PPRC1: variants seen among roughly 807,000 people sequenced by gnomAD.
The protein encoded by PPRC1 is PPARG related coactivator 1.
Under a neutral mutation model 132.5 loss-of-function variants are expected in PPRC1, and 23 were observed. The observed-to-expected ratio is 0.17, with a 90% CI of 0.12 to 0.25. PPRC1 has a LOEUF of 0.25. PPRC1 is among the 10% of genes least tolerant of loss of function. The pLI, the probability that PPRC1 is intolerant of heterozygous loss-of-function variation, is 1.00. For synonymous variants in PPRC1, 872 were observed against 833.5 expected, an observed-to-expected ratio of 1.05 and a Z score of -0.80; for missense variants, 2,006 against 2,089.1, an observed-to-expected ratio of 0.96 and a Z score of 0.78.
In PPRC1 at chr10:102,134,348, T is replaced by C. The variant is rs191825454; in HGVS notation, c.153+1127T>C. ...GAGAACTGTTCAACATGTTCAACAG[T>C]TGAACATACACTGGATGAGGAGGAT... On this transcript the variant is annotated intron_variant, in intron 1 of 13. Coordinates refer to ENST00000278070, the MANE Select transcript of PPRC1 (RefSeq NM_015062.5). Among the ~76,000 whole-genome samples the C allele has an allele frequency of 3.3e-5, 5 of 152,264 alleles. No homozygotes were observed. In the East Asian group the frequency reaches 9.6e-4, roughly 29 times the overall value.
At chr10:102,126,343 A>AC in the PPRC1 span, among the ~76,000 whole-genome samples, 1 of 69,502 alleles carries the variant, frequency 1.4e-5, no homozygotes, top group Non-Finnish European at 3.6e-5. Context: ...CTGACTCAAA[A>AC]GAAAAAAAAA....
At chr10:102,125,457 A>C in the PPRC1 span, among the ~76,000 whole-genome samples, 1 of 151,750 alleles carries the variant, frequency 6.6e-6, no homozygotes, top group African/African-American at 2.4e-5. Context: ...ACGGGGTTTC[A>C]CCATGATGGC....
chr10:102,140,157 C>A lies in PPRC1; in HGVS notation c.1649C>A (p.Ala550Asp), dbSNP rs368141611. Residue 550 changes from alanine to aspartate, a missense_variant, in exon 5 of 14, where the codon GCT becomes GAT. By Grantham distance (126) the Ala-to-Asp change is moderately radical (BLOSUM62 -2). Transcript: ENST00000278070. ...AGAAGTGCTGGACAAAGTAGTCCTGCTAAAGAAGGCCCTCTAGACCTCTAC... is the reference window on the plus strand; with the variant it reads ...AGAAGTGCTGGACAAAGTAGTCCTGATAAAGAAGGCCCTCTAGACCTCTAC... The part of the protein sequence containing the change: ...LERSAGQSSP[A>D]KEGPLDLYPK... The A allele has an allele frequency of 6.2e-7, 1 of 1,614,224 alleles. No homozygotes were observed.
intron 8 of PPRC1, among the ~76,000 whole-genome samples, chr10:102,146,431 T>C (rs2069248107): frequency 6.6e-6 from 1 of 151,552 alleles, no homozygotes; most frequent in Admixed American, 6.6e-5. Context: ...GGCTACTAGG[T>C]TTGGGTAGTG....
At position 102,149,236 on chromosome 10, in the gene PPRC1, A is replaced by C. The variant is rs1367911237; in HGVS notation, c.4798A>C (p.Ser1600Arg). 2 of 1,612,128 alleles carry C rather than the reference A, an allele frequency of 1.2e-6. No homozygotes were observed. Among genetic ancestry groups the C allele is most frequent in the South Asian group, 1.1e-5 (1 of 90,864 alleles). Reference protein sequence around the residue: ...YAEEAFAAIESGHKLRQADEQ... With the variant: ...YAEEAFAAIERGHKLRQADEQ... ...TGAGGAGGCATTTGCAGCCATTGAGAGTGGCCACAAGCTGCGGCAGGCAGA... is the reference window on the plus strand; with the variant it reads ...TGAGGAGGCATTTGCAGCCATTGAGCGTGGCCACAAGCTGCGGCAGGCAGA... The change falls in exon 13 of 14, where the codon AGT becomes CGT. Residue 1600 changes from serine to arginine, a missense_variant. Around this residue, in one of 2 missense-constraint regions of PPRC1, gnomAD observed 92 missense variants for 171.9 expected, o/e 0.54. Transcript: ENST00000278070.
At chr10:102,139,073 T>G in intron 4 of PPRC1, 27 bp from the exon 5 acceptor site, 1 of 1,607,628 alleles carries the variant, frequency 6.2e-7, no homozygotes, top group Non-Finnish European at 8.5e-7. Flanking sequence ...AGAAAACTCC[T>G]CCTGAGACCT....
At chr10:102,125,631 G>A in the PPRC1 span, among the ~76,000 whole-genome samples, 9 of 152,096 alleles carry the variant, frequency 5.9e-5, no homozygotes, top group African/African-American at 1.9e-4. Flanking sequence ...ACTGAGAAGA[G>A]ATTAAGATTA....
chr10:102,149,148 C>G (rs373664307), intron 12 of PPRC1, 30 bp from the exon 13 acceptor site: 2 of 1,558,348 alleles, frequency 1.3e-6, no homozygotes, highest in African/African-American at 2.7e-5. Flanking sequence ...TATAGCCACT[C>G]CAGCCCCTGC....
rs2068897419 is a variant in PPRC1, at chr10:102,140,220, C to G, written c.1712C>G (p.Pro571Arg). ...LADTIQTNPI[P>R]THLSLVDSAQ... The stretch of plus-strand genomic sequence containing the variant: ...GACACTATCCAAACCAATCCTATAC[C>G]AACCCATCTCTCATTGGTCGACTCT... The change falls in exon 5 of 14, where the codon CCA (proline) becomes CGA (arginine). Residue 571 changes from proline to arginine, a missense_variant. Around this residue, in one of 2 missense-constraint regions of PPRC1, gnomAD observed 1,914 missense variants for 1,917.2 expected, o/e 1.00. Coordinates refer to ENST00000278070, the MANE Select transcript of PPRC1 (RefSeq NM_015062.5). 1 of 1,614,110 alleles carries G rather than the reference C, an allele frequency of 6.2e-7. No individual in the cohort carries two copies. Among genetic ancestry groups the G allele is most frequent in the African/African-American group, 1.3e-5 (1 of 74,928 alleles).
the PPRC1 span, among the ~76,000 whole-genome samples, chr10:102,126,138 A>G: frequency 6.6e-6 from 1 of 152,148 alleles, no homozygotes; most frequent in Non-Finnish European, 1.5e-5. Flanking sequence ...CTGGGATTAC[A>G]GGCATGAGCC....
intron 1 of PPRC1, among the ~76,000 whole-genome samples, chr10:102,136,334 G>T (rs1484428851): frequency 1.3e-5 from 2 of 152,048 alleles, no homozygotes; most frequent in Non-Finnish European, 2.9e-5. Flanking sequence ...GTGGGGGTGT[G>T]GAAGACACCT....
chr10:102,127,467 C>G, the PPRC1 span, among the ~76,000 whole-genome samples: 1 of 152,196 alleles, frequency 6.6e-6, no homozygotes, highest in African/African-American at 2.4e-5. Context: ...AGTACAGTTG[C>G]ACGATCTCGG....
At chr10:102,149,836 G>T in intron 13 of PPRC1, 90 bp from the exon 14 acceptor site, 2 of 995,138 alleles carry the variant, frequency 2.0e-6, no homozygotes, top group Non-Finnish European at 1.6e-6. Context: ...CACTCCATCC[G>T]TTTTTGGGAT....
Position 102,140,319 on chromosome 10 carries a change from C to T in PPRC1, c.1811C>T (p.Pro604Leu). The T allele has an allele frequency of 6.2e-7, 1 of 1,614,228 alleles. No individual in the cohort carries two copies. The change falls in exon 5 of 14, where the codon CCT (proline) becomes CTT (leucine). Residue 604 changes from proline to leucine, a missense_variant. Transcript: ENST00000278070. ...GCAGTTGGCCCTGTTCTAGCTGGCC[C>T]TGTACCTGTTGACCCTGGGTTGGTT... ...PTAVGPVLAGPVPVDPGLVDL... is the reference protein window; with the variant it reads ...PTAVGPVLAGLVPVDPGLVDL...
At chr10:102,145,416 C>A (rs971105255) in intron 8 of PPRC1, among the ~76,000 whole-genome samples, 2 of 149,430 alleles carry the variant, frequency 1.3e-5, no homozygotes, top group East Asian at 2.0e-4. Context: ...AAAAAAAATA[C>A]AAAAATTAGT....
the PPRC1 span, chr10:102,120,179 C>A: frequency 1.3e-5 from 15 of 1,162,010 alleles, no homozygotes; most frequent in Admixed American, 1.9e-4. Context: ...ACAGGCCGGG[C>A]ATGAGCCGCC....
In PPRC1 at chr10:102,138,978, G is replaced by C. The variant is rs1457652628; in HGVS notation, c.589G>C (p.Gly197Arg). The change falls in exon 4 of 14, where the codon GGG becomes CGG. Residue 197 changes from glycine (G) to arginine (R), a missense_variant and splice_region_variant. Gly to Arg is a moderately radical substitution (Grantham distance 125). Transcript: ENST00000278070. ...GPSTGSSRGS[G>R]VEMSLPDPSW... ...CAGTACAGGCAGCAGTAGAGGGAGT[G>C]GGGTAAGCCTGACCTAGAGGGTTTC... 6.2e-7 allele frequency: 1 copy of C among 1,612,892 alleles called. No individual in the cohort carries two copies. The highest frequency in any genetic ancestry group is 1.7e-5 in the Admixed American group (1 of 60,014).
In PPRC1 at chr10:102,133,205, T is replaced by C; in HGVS notation, c.137T>C (p.Val46Ala). The C allele has an allele frequency of 1.6e-6, 2 of 1,282,366 alleles. No individual in the cohort carries two copies. The highest frequency in any genetic ancestry group is 2.0e-6 in the Non-Finnish European group (2 of 1,007,994). The allele number at this position is 1,282,366 out of a possible 1,614,324, so 79.4% of individuals were successfully genotyped here. A position where few individuals can be genotyped will look rare whatever the true frequency, so the allele number is the denominator to read the frequency against. The part of the protein sequence containing the change: ...SQAPYGTLGA[V>A]SGGEQVLLHE... ...GCGCCGTATGGGACTTTGGGCGCTG[T>C]GAGCGGCGGCGAGCAGGTGAGAGGT... The change falls in exon 1 of 14, where the codon GTG becomes GCG. Residue 46 changes from valine (V) to alanine (A), a missense_variant. Physicochemically the swap from Val to Ala is moderately conservative, Grantham distance 64 (BLOSUM62 0). Transcript: ENST00000278070.
chr10:102,138,319 T>G (rs1362709726), intron 2 of PPRC1, among the ~76,000 whole-genome samples: 1 of 152,212 alleles, frequency 6.6e-6, no homozygotes, highest in Non-Finnish European at 1.5e-5. Context: ...CTGATCTCTG[T>G]TTTTCAGCTC....
Sources: allele counts gnomAD v4.1 joint callset (sites outside exome capture counted in the v4.1 genomes callset), GRCh38; gene constraint gnomAD v4.1.1; regional missense constraint gnomAD v4.1.1; transcripts MANE v1.5; gene names NCBI Gene and HGNC (gene_info 2026-07-23, HGNC 2026-07-21).